Variants in CACNA2D3 observed in about 807,000 individuals in gnomAD.
The protein encoded by CACNA2D3 is voltage-dependent calcium channel subunit alpha-2/delta-3.
Under a neutral mutation model 160.6 loss-of-function variants are expected in CACNA2D3, and 60 were observed. The ratio of observed to expected loss-of-function variants is 0.37; its 90% CI spans 0.30 to 0.46. The LOEUF (loss-of-function observed/expected upper bound fraction) is 0.46, where lower values mean the gene tolerates loss of function less well. CACNA2D3 is among the 20% of genes least tolerant of loss of function. The pLI is 1.00. For synonymous variants in CACNA2D3, 558 were observed against 492.9 expected (o/e 1.13, Z -1.75); for missense variants, 1,205 against 1,365.0 (o/e 0.88, Z 1.85).
intron 3 of CACNA2D3, among the ~76,000 whole-genome samples, chr3:54,376,642 G>C (rs575761074): frequency 6.6e-6 from 1 of 152,140 alleles, no homozygotes; most frequent in Non-Finnish European, 1.5e-5. Context: ...TGAGAGTGCC[G>C]TTATCTTCAT....
At chr3:54,708,778 G>A (rs1392275676) in intron 11 of CACNA2D3, among the ~76,000 whole-genome samples, 1 of 152,176 alleles carries the variant, frequency 6.6e-6, no homozygotes, top group African/African-American at 2.4e-5. Flanking sequence ...ACCCTGACAA[G>A]CCTTGACAGT....
intron 4 of CACNA2D3, among the ~76,000 whole-genome samples, chr3:54,479,374 A>G (rs1301406240): frequency 6.6e-6 from 1 of 152,210 alleles, no homozygotes; most frequent in Non-Finnish European, 1.5e-5. Context: ...AGTACTGTTC[A>G]TGATTTCAGA....
At chr3:54,882,968 A>G (rs1314221048) in intron 21 of CACNA2D3, among the ~76,000 whole-genome samples, 4 of 152,206 alleles carry the variant, frequency 2.6e-5, no homozygotes, top group African/African-American at 9.6e-5. Flanking sequence ...CTATAATTCT[A>G]CCTGCTGAAA....
At chr3:54,730,708 G>C (rs890290306) in intron 11 of CACNA2D3, among the ~76,000 whole-genome samples, 4 of 151,976 alleles carry the variant, frequency 2.6e-5, no homozygotes, top group African/African-American at 7.3e-5. Context: ...TCACGGTGTT[G>C]GTCAGGCTGG....
At chr3:54,925,271 G>A in intron 27 of CACNA2D3, 1 of 1,400,570 alleles carries the variant, frequency 7.1e-7, no homozygotes, top group Non-Finnish European at 9.9e-7. Context: ...TGTGGTATCA[G>A]CACTTTTCCG....
At chr3:54,350,622 A>G (rs1166269151) in intron 3 of CACNA2D3, among the ~76,000 whole-genome samples, 3 of 152,240 alleles carry the variant, frequency 2.0e-5, no homozygotes, top group African/African-American at 7.2e-5. Context: ...GGAAACATCT[A>G]GAAGTTTCAA....
chr3:54,379,801 TGG>T (rs1349310248), intron 3 of CACNA2D3, among the ~76,000 whole-genome samples: 2 of 152,244 alleles, frequency 1.3e-5, no homozygotes, highest in Non-Finnish European at 2.9e-5. Flanking sequence ...TCATGTCTTC[TGG>T]GAAGCTTCCT....
intron 2 of CACNA2D3, among the ~76,000 whole-genome samples, chr3:54,229,253 G>T (rs1025296818): frequency 5.9e-5 from 9 of 151,590 alleles, no homozygotes; most frequent in African/African-American, 1.2e-4. Flanking sequence ...ATGCAGTGGC[G>T]CTATCTTGGC....
At chr3:54,797,442 C>G (rs1702888594) in intron 13 of CACNA2D3, among the ~76,000 whole-genome samples, 1 of 152,122 alleles carries the variant, frequency 6.6e-6, no homozygotes, top group African/African-American at 2.4e-5. Context: ...TTTAGGGAGG[C>G]CTCTCTACAC....
chr3:55,071,523 A>C (rs1009631953), intron 35 of CACNA2D3, among the ~76,000 whole-genome samples: 2 of 152,134 alleles, frequency 1.3e-5, no homozygotes, highest in Non-Finnish European at 2.9e-5. Context: ...CATACCTTTG[A>C]CTGACTCTCT....
intron 13 of CACNA2D3, among the ~76,000 whole-genome samples, chr3:54,801,413 G>T (rs1287559103): frequency 6.6e-6 from 1 of 152,142 alleles, no homozygotes; most frequent in Non-Finnish European, 1.5e-5. Flanking sequence ...ACTGAAATGT[G>T]CAATACCCTT....
chr3:54,308,434 C>G (rs189275360), intron 2 of CACNA2D3, among the ~76,000 whole-genome samples: 58 of 152,246 alleles, frequency 3.8e-4, no homozygotes, highest in African/African-American at 1.3e-3. Flanking sequence ...TCCCTCTCCC[C>G]CAATCGGCTG....
chr3:54,149,292 C>T (rs1700096920), intron 2 of CACNA2D3, among the ~76,000 whole-genome samples: 1 of 151,738 alleles, frequency 6.6e-6, no homozygotes, highest in African/African-American at 2.4e-5. Flanking sequence ...CACACACACA[C>T]ACACACATAT....
At chr3:54,708,677 A>G (rs966044851) in intron 11 of CACNA2D3, among the ~76,000 whole-genome samples, 4 of 152,228 alleles carry the variant, frequency 2.6e-5, no homozygotes, top group Non-Finnish European at 5.9e-5. Flanking sequence ...TTTTGAATGC[A>G]TATTTGTAAG....
At chr3:54,946,649 GCTGGGTGCAAAC>G (rs368030869) in intron 27 of CACNA2D3, among the ~76,000 whole-genome samples, 69 of 152,220 alleles carry the variant, frequency 4.5e-4, no homozygotes, top group African/African-American at 1.6e-3. Context: ...TTTCATGGAA[GCTGGGTGCAAAC>G]CTGGGGGGAG....
chr3:54,542,950 A>T (rs1461544311), intron 5 of CACNA2D3, among the ~76,000 whole-genome samples: 5 of 152,184 alleles, frequency 3.3e-5, no homozygotes, highest in African/African-American at 1.2e-4. Context: ...GTTTGGGGGA[A>T]TTATCTTGGT....
intron 16 of CACNA2D3, among the ~76,000 whole-genome samples, chr3:54,841,088 A>T (rs1275062480): frequency 6.6e-6 from 1 of 152,242 alleles, no homozygotes; most frequent in Non-Finnish European, 1.5e-5. Flanking sequence ...AATGACAATC[A>T]TAATAGTAAT....
intron 4 of CACNA2D3, among the ~76,000 whole-genome samples, chr3:54,471,621 T>C (rs1700732762): frequency 6.6e-6 from 1 of 152,122 alleles, no homozygotes; most frequent in Admixed American, 6.5e-5. Flanking sequence ...GAGCTGTTTT[T>C]TTAAAAGATT....
At chr3:54,141,087 G>GTGTGTGTGCGCGCGCA (rs1553731269) in intron 2 of CACNA2D3, among the ~76,000 whole-genome samples, 4 of 119,726 alleles carry the variant, frequency 3.3e-5, no homozygotes, top group African/African-American at 1.4e-4. Context: ...GTGTGTGTGT[G>GTGTGTGTGCGCGCGCA]CGCGCGCGCG....
Sources: allele counts gnomAD v4.1 joint callset (sites outside exome capture counted in the v4.1 genomes callset), GRCh38; gene constraint gnomAD v4.1.1; transcripts MANE v1.5; gene names NCBI Gene and HGNC (gene_info 2026-07-23, HGNC 2026-07-21).